Variants in PHF8 observed in about 807,000 individuals in gnomAD.
PHF8 encodes histone lysine demethylase PHF8.
Under a neutral mutation model 74.4 loss-of-function variants are expected in PHF8, and 9 were observed. That is an observed-to-expected ratio of 0.12 (90% CI 0.07 to 0.21). The LOEUF (loss-of-function observed/expected upper bound fraction) is 0.21. Ranked by LOEUF, PHF8 falls within the 10% of genes least tolerant of loss-of-function variation. PHF8 has a pLI of 1.00. For synonymous variants in PHF8, 311 were observed against 316.6 expected (o/e 0.98, Z 0.19); for missense variants, 478 against 816.6 (o/e 0.59, Z 5.05).
intron 14 of PHF8, among the ~76,000 whole-genome samples, chrX:53,988,497 T>G (rs1248382982): frequency 1.8e-5 from 2 of 111,052 alleles, no homozygotes; most frequent in African/African-American, 6.6e-5. Flanking sequence ...GACCTGGGAT[T>G]AAGTAAAATT....
chrX:53,995,840 A>G, intron 11 of PHF8, 58 bp from the exon 12 acceptor site: 1 of 700,908 alleles, frequency 1.4e-6, no homozygotes, highest in Non-Finnish European at 2.2e-6. Context: ...CTGATTTTGG[A>G]CAAATATGCC....
chrX:54,041,621 G>A (rs1273376927), intron 2 of PHF8, among the ~76,000 whole-genome samples: 4 of 111,510 alleles, frequency 3.6e-5, no homozygotes, highest in Non-Finnish European at 7.5e-5. Flanking sequence ...CCGGAATTCT[G>A]GGTGACAGGT....
intron 2 of PHF8, among the ~76,000 whole-genome samples, chrX:54,032,083 C>T (rs781859139): frequency 9.0e-6 from 1 of 111,648 alleles, no homozygotes; most frequent in Non-Finnish European, 1.9e-5. Context: ...AAACCTAAAT[C>T]AGATCACAAC....
chrX:53,995,651 G>A (rs781793000), intron 12 of PHF8, 42 bp downstream of exon 12: 2 of 885,090 alleles, frequency 2.3e-6, no homozygotes, highest in Non-Finnish European at 3.3e-6. Context: ...GAGCCTCAAG[G>A]CCTTTCCAAA....
intron 2 of PHF8, among the ~76,000 whole-genome samples, chrX:54,024,319 C>T (rs2066229934): frequency 8.9e-6 from 1 of 111,877 alleles, no homozygotes; most frequent in Non-Finnish European, 1.9e-5. Context: ...AGTAAGTATC[C>T]GGTTTCACAG....
chrX:54,041,685 G>A (rs2066558694), intron 2 of PHF8, among the ~76,000 whole-genome samples: 1 of 112,674 alleles, frequency 8.9e-6, no homozygotes, highest in South Asian at 3.6e-4. Flanking sequence ...TTTTACTCCT[G>A]TTTTACCCAG....
chrX:54,041,150 C>A (rs1301752366), intron 2 of PHF8, among the ~76,000 whole-genome samples: 2 of 110,263 alleles, frequency 1.8e-5, no homozygotes, highest in East Asian at 5.7e-4. Context: ...GAGGCTGAGG[C>A]GGGCGGATCG....
intron 2 of PHF8, among the ~76,000 whole-genome samples, chrX:54,036,080 C>A (rs1603344271): frequency 1.4e-5 from 1 of 69,086 alleles, no homozygotes. Flanking sequence ...CCAGCCTGGG[C>A]AACAAGAGCG....
chrX:54,002,545 C>G (rs782805497), intron 9 of PHF8, 50 bp downstream of exon 9: 1 of 806,802 alleles, frequency 1.2e-6, no homozygotes, highest in East Asian at 3.1e-5. Context: ...ACTCCTCACT[C>G]TAGCAGACAG....
intron 2 of PHF8, among the ~76,000 whole-genome samples, chrX:54,035,096 C>T (rs909682790): frequency 2.7e-5 from 3 of 111,207 alleles, no homozygotes; most frequent in Admixed American, 9.6e-5. Flanking sequence ...TGGTGGCTCA[C>T]GCTTGTAATC....
chrX:54,037,000 TAA>T (rs56902207), intron 2 of PHF8, among the ~76,000 whole-genome samples: 4 of 63,243 alleles, frequency 6.3e-5, no homozygotes, highest in Non-Finnish European at 6.1e-5. Context: ...TCAGAAAAAA[TAA>T]AAAAAAAAAA....
At position 53,955,527 on chromosome X, in the gene PHF8, G is replaced by A. The variant is rs1416114658; in HGVS notation, c.2539+7317C>T. Among the ~76,000 whole-genome samples the A allele has an allele frequency of 7.5e-5, 8 of 106,086 alleles. No homozygotes were observed. In the East Asian group the frequency reaches 2.4e-3, roughly 31 times the overall value. 92.1% of individuals were successfully genotyped at this position (106,086 alleles called of 115,157 possible). A position where few individuals can be genotyped will look rare whatever the true frequency, so the allele number is the denominator to read the frequency against. On this transcript the variant is annotated intron_variant, in intron 19 of 21. Coordinates refer to ENST00000338154, the MANE Select transcript of PHF8 (RefSeq NM_015107.3). ...AAGTGAACAGGATTCTCACCCTACT[G>A]GCTCACATCATGATTTGGTCTCTTC...
Position 54,017,704 on chromosome X carries a change from C to A in PHF8, c.411G>T (p.Leu137=), listed in dbSNP as rs782510193. ...VLKKDGLGMT[L]PSPSFTVRDV... The stretch of plus-strand genomic sequence containing the variant: ...CCCTCACAGTGAATGATGGCGAGGG[C>A]AGCGTCATGCCCAACCCATCCTTCT... Residue 137 remains leucine, a synonymous_variant, in exon 5 of 22, where the codon CTG becomes CTT. Transcript: ENST00000338154. 1 of 1,208,909 alleles carries A rather than the reference C, an allele frequency of 8.3e-7. No individual in the cohort carries two copies. The highest frequency in any genetic ancestry group is 1.1e-6 in the Non-Finnish European group (1 of 892,934).
chrX:54,027,759 G>A (rs1268071040), intron 2 of PHF8, among the ~76,000 whole-genome samples: 4 of 111,063 alleles, frequency 3.6e-5, no homozygotes, highest in African/African-American at 1.3e-4. Context: ...GCATCCGCCA[G>A]GCTCTGGTCT....
intron 18 of PHF8, among the ~76,000 whole-genome samples, chrX:53,983,813 G>C (rs868937190): frequency 2.4e-4 from 27 of 112,109 alleles, no homozygotes; most frequent in African/African-American, 8.7e-4. Context: ...ATAGATCTCT[G>C]TATTGATAAG....
intron 10 of PHF8, among the ~76,000 whole-genome samples, chrX:54,001,502 T>C (rs1368652252): frequency 9.5e-6 from 1 of 105,819 alleles, no homozygotes; most frequent in Non-Finnish European, 2.0e-5. Flanking sequence ...AGTGAGACTG[T>C]GTCTCGGAAA....
intron 18 of PHF8, among the ~76,000 whole-genome samples, chrX:53,972,527 A>C (rs781995247): frequency 1.3e-4 from 14 of 111,036 alleles, no homozygotes; most frequent in Non-Finnish European, 2.5e-4. Context: ...TTCATCACAT[A>C]AACAGAACTA....
chrX:54,004,575 G>A (rs1195021309), intron 8 of PHF8, among the ~76,000 whole-genome samples: 1 of 111,455 alleles, frequency 9.0e-6, no homozygotes, highest in African/African-American at 3.3e-5. Context: ...CACAAAAATA[G>A]GAAATAGAAA....
At position 54,002,327 on chromosome X, in the gene PHF8, G is replaced by C. The variant is rs2065838948; in HGVS notation, c.1035-66C>G. 28 of 694,050 alleles carry C rather than the reference G, an allele frequency of 4.0e-5. No individual in the cohort carries two copies. The South Asian group carries it at 6.1e-4, about 15-fold the overall frequency. The allele number at this position is 694,050 out of a possible 1,213,427, so 57.2% of individuals were successfully genotyped here. A position where few individuals can be genotyped will look rare whatever the true frequency, so the allele number is the denominator to read the frequency against. ...TTACTGAGCACCTACTATGAATCAG[G>C]TTTTGTTCTGGATGCTTTGTATCTC... is the stretch of plus-strand genomic sequence containing the variant. On this transcript the variant is annotated intron_variant, in intron 9 of 21. Coordinates refer to ENST00000338154, the MANE Select transcript of PHF8 (RefSeq NM_015107.3).
Sources: gnomAD v4.1 joint callset for allele counts (sites outside exome capture counted in the v4.1 genomes callset) on GRCh38, gnomAD v4.1.1 for gene constraint, MANE v1.5 for transcripts, NCBI Gene and HGNC (gene_info 2026-07-23, HGNC 2026-07-21) for gene names.